TMEM132E: variants seen among roughly 807,000 people sequenced by gnomAD.
TMEM132E encodes the protein transmembrane protein 132E.
In TMEM132E, 49 loss-of-function variants were observed where a neutral mutation model predicts 78.5. The ratio of observed to expected loss-of-function variants is 0.62; its 90% CI spans 0.50 to 0.79. TMEM132E has a LOEUF of 0.79. Ranked by LOEUF, TMEM132E falls within the 30% of genes least tolerant of loss-of-function variation. The probability of loss-of-function intolerance (pLI) is 0.00; values close to 1 mark genes in which losing one functional copy is unlikely to be tolerated. For synonymous variants in TMEM132E, 715 were observed against 670.6 expected, an observed-to-expected ratio of 1.07 and a Z score of -1.02; for missense variants, 1,403 against 1,470.9, an observed-to-expected ratio of 0.95 and a Z score of 0.75.
intron 1 of TMEM132E, among the ~76,000 whole-genome samples, chr17:34,589,411 G>C (rs1905785032): frequency 6.6e-6 from 1 of 152,212 alleles, no homozygotes; most frequent in East Asian, 1.9e-4. Context: ...CATGCCGGCT[G>C]TTCTCATCTG....
At chr17:34,616,116 G>A (rs1289829183) in intron 1 of TMEM132E, among the ~76,000 whole-genome samples, 1 of 152,098 alleles carries the variant, frequency 6.6e-6, no homozygotes, top group Non-Finnish European at 1.5e-5. Context: ...TGTACGGGAG[G>A]GACCCTGATA....
At chr17:34,628,793 G>T in intron 3 of TMEM132E, 84 bp downstream of exon 3, 1 of 1,459,282 alleles carries the variant, frequency 6.9e-7, no homozygotes. Flanking sequence ...GAGGAGGCTA[G>T]GCTTGGGGAG....
At chr17:34,603,949 A>C (rs1597680973) in intron 1 of TMEM132E, among the ~76,000 whole-genome samples, 1 of 148,054 alleles carries the variant, frequency 6.8e-6, no homozygotes, top group Non-Finnish European at 1.5e-5. Flanking sequence ...CAATGGAGCC[A>C]CCCTCCCTCT....
At chr17:34,596,524 C>T in intron 1 of TMEM132E, among the ~76,000 whole-genome samples, 1 of 152,252 alleles carries the variant, frequency 6.6e-6, no homozygotes, top group East Asian at 1.9e-4. Flanking sequence ...TCAAATTTAC[C>T]TATGCAGGTG....
At chr17:34,607,925 G>C (rs140333124) in intron 1 of TMEM132E, among the ~76,000 whole-genome samples, 1 of 152,296 alleles carries the variant, frequency 6.6e-6, no homozygotes, top group African/African-American at 2.4e-5. Flanking sequence ...CAACCTGGGA[G>C]ACCTCCAAAC....
chr17:34,612,873 C>G (rs529761732), intron 1 of TMEM132E, among the ~76,000 whole-genome samples: 24 of 151,734 alleles, frequency 1.6e-4, no homozygotes, highest in African/African-American at 5.6e-4. Context: ...CTGGGGGGGG[C>G]AGTGGGGTGG....
intron 1 of TMEM132E, among the ~76,000 whole-genome samples, chr17:34,604,687 C>G (rs1291369284): frequency 1.3e-5 from 2 of 152,206 alleles, no homozygotes; most frequent in African/African-American, 2.4e-5. Flanking sequence ...CCTCTCTGTG[C>G]CCCTCCTGGC....
rs1050342431 is a variant in TMEM132E at position 34,580,334 on chromosome 17, T to C, written c.-743T>C. The C allele has an allele frequency of 2.0e-5, 3 of 152,396 alleles. No individual in the cohort carries two copies. The highest frequency in any genetic ancestry group is 4.4e-5 in the Non-Finnish European group (3 of 68,186). 9.4% of individuals were successfully genotyped at this position (152,396 alleles called of 1,614,324 possible). Reference sequence around the variant, plus strand: ...GCAGGAGGCGCTGAGCCGGCCTGTGTGGAGCCTGGGCCCTGATCCAGACTG... The same window carrying C: ...GCAGGAGGCGCTGAGCCGGCCTGTGCGGAGCCTGGGCCCTGATCCAGACTG... On this transcript the variant is annotated 5_prime_UTR_variant, in exon 1 of 9. Transcript: ENST00000631683.
chr17:34,634,682 GC>G, intron 6 of TMEM132E, 116 bp from the exon 7 acceptor site: 1 of 1,280,240 alleles, frequency 7.8e-7, no homozygotes, highest in South Asian at 1.6e-5. Context: ...GAGGAAGCTT[GC>G]TTTTGCAGAG....
chr17:34,613,211 A>ACACACACACACACGCG lies in TMEM132E; in HGVS notation c.68-12915_68-12914insACACACACACACGCGC. On this transcript the variant is annotated intron_variant, in intron 1 of 8. Coordinates refer to ENST00000631683, the MANE Select transcript of TMEM132E (RefSeq NM_001304438.2). ...CACACACACACCCACACACACACAC[A>ACACACACACACACGCG]CGCGCGCGCGCGCGCGTTCTTACAT... is the stretch of plus-strand genomic sequence containing the variant. Among the ~76,000 whole-genome samples the ACACACACACACACGCG allele has an allele frequency of 8.5e-4, 99 of 115,950 alleles. 1 individual carries two copies. Among genetic ancestry groups the ACACACACACACACGCG allele is most frequent in the East Asian group, 2.7e-3 (8 of 2,998 alleles). The allele number at this position is 115,950 out of a possible 152,430, so 76.1% of individuals were successfully genotyped here. A position where few individuals can be genotyped will look rare whatever the true frequency, so the allele number is the denominator to read the frequency against.
chr17:34,581,057 C>A lies in TMEM132E; in HGVS notation c.-20C>A. On this transcript the variant is annotated 5_prime_UTR_variant, in exon 1 of 9. Coordinates refer to ENST00000631683, the MANE Select transcript of TMEM132E (RefSeq NM_001304438.2). ...CGTCGACTGTTGCTCTCTCGGACCCCTCCCGCCCCCGCCTCGGCCATGGCC... is the reference window on the plus strand; with the variant it reads ...CGTCGACTGTTGCTCTCTCGGACCCATCCCGCCCCCGCCTCGGCCATGGCC... 6.5e-7 allele frequency: 1 copy of A among 1,541,248 alleles called. No homozygotes were observed. Among genetic ancestry groups the A allele is most frequent in the East Asian group, 2.5e-5 (1 of 40,076 alleles).
chr17:34,635,082 T>G lies in TMEM132E; in HGVS notation c.1972T>G (p.Phe658Val), dbSNP rs1328965332. 2 of 1,611,344 alleles carry G rather than the reference T, an allele frequency of 1.2e-6. No individual in the cohort carries two copies. The highest frequency in any genetic ancestry group is 1.7e-5 in the Admixed American group (1 of 59,798). The change falls in exon 7 of 9, where the codon TTT becomes GTT. Residue 658 changes from phenylalanine to valine, a missense_variant. Physicochemically the swap from Phe to Val is conservative, Grantham distance 50. Around this residue, in one of 3 missense-constraint regions of TMEM132E, gnomAD observed 888 missense variants for 952.8 expected, o/e 0.93. Transcript: ENST00000631683. ...LAGLEPGTTP[F>V]KVVSPLTEAV... Reference sequence around the variant, plus strand: ...AGGACTGGAGCCAGGCACCACCCCCTTTAAGGTAGGTATGGGCTCTGTCCC... The same window carrying G: ...AGGACTGGAGCCAGGCACCACCCCCGTTAAGGTAGGTATGGGCTCTGTCCC...
intron 1 of TMEM132E, among the ~76,000 whole-genome samples, chr17:34,581,466 G>A (rs1043741404): frequency 6.6e-6 from 1 of 152,068 alleles, no homozygotes; most frequent in African/African-American, 2.4e-5. Context: ...GGATCCTCCG[G>A]ATCGCGTCCA....
At chr17:34,621,360 G>A (rs773003060) in intron 1 of TMEM132E, among the ~76,000 whole-genome samples, 2 of 152,148 alleles carry the variant, frequency 1.3e-5, no homozygotes, top group African/African-American at 4.8e-5. Flanking sequence ...ACTTCTCTCT[G>A]TGTGTGTCTG....
intron 1 of TMEM132E, among the ~76,000 whole-genome samples, chr17:34,625,553 C>CA (rs1343383505): frequency 6.6e-6 from 1 of 152,088 alleles, no homozygotes; most frequent in African/African-American, 2.4e-5. Flanking sequence ...GATTGGCACT[C>CA]AAAAAGGAAG....
chr17:34,634,653 A>T (rs1907453324), intron 6 of TMEM132E, 146 bp from the exon 7 acceptor site: 1 of 935,406 alleles, frequency 1.1e-6, no homozygotes. Context: ...CAACTTAGAG[A>T]TGGAAGGCAT....
intron 1 of TMEM132E, among the ~76,000 whole-genome samples, chr17:34,604,466 C>T (rs1906345340): frequency 6.6e-6 from 1 of 152,310 alleles, no homozygotes; most frequent in African/African-American, 2.4e-5. Context: ...GGATGAGATC[C>T]TTCCAGCTCC....
intron 1 of TMEM132E, among the ~76,000 whole-genome samples, chr17:34,604,875 T>C (rs1487529328): frequency 6.6e-6 from 1 of 152,254 alleles, no homozygotes. Context: ...AGCTGGATGT[T>C]ACTGTTGTCA....
intron 8 of TMEM132E, 127 bp from the exon 9 acceptor site, chr17:34,637,050 C>T (rs1907544792): frequency 1.3e-6 from 1 of 791,030 alleles, no homozygotes; most frequent in Non-Finnish European, 2.0e-6. Flanking sequence ...AGGCACAGTT[C>T]CAGTGCTGAG....
Sources: allele counts gnomAD v4.1 joint callset (sites outside exome capture counted in the v4.1 genomes callset), GRCh38; gene constraint gnomAD v4.1.1; regional missense constraint gnomAD v4.1.1; transcripts MANE v1.5; gene names NCBI Gene and HGNC (gene_info 2026-07-23, HGNC 2026-07-21).